CACNA2D3: variants seen among roughly 807,000 people sequenced by gnomAD.
CACNA2D3 encodes the protein voltage-dependent calcium channel subunit alpha-2/delta-3.
A neutral mutation model predicts 160.6 loss-of-function variants in CACNA2D3; 60 were observed. That is an observed-to-expected ratio of 0.37 (90% confidence interval 0.30 to 0.46). The LOEUF (loss-of-function observed/expected upper bound fraction) is 0.46, where lower values mean the gene tolerates loss of function less well. CACNA2D3 is among the 20% of genes least tolerant of loss of function. The probability of loss-of-function intolerance (pLI) is 1.00; values close to 1 mark genes in which losing one functional copy is unlikely to be tolerated. For missense variants in CACNA2D3, 1,205 were observed against 1,365.0 expected, an observed-to-expected ratio of 0.88 and a Z score of 1.85; for synonymous variants, 558 against 492.9, an observed-to-expected ratio of 1.13 and a Z score of -1.75.
Position 54,999,895 on chromosome 3 carries a change from G to A in CACNA2D3, c.2691-4868G>A, listed in dbSNP as rs981603184. On this transcript the variant is annotated intron_variant, in intron 31 of 37. Coordinates refer to ENST00000474759, the MANE Select transcript of CACNA2D3 (RefSeq NM_018398.3). ...TCATCCAAGGCTCTACCCAGCATGG[G>A]TGCAGGGCTACCAGGCTTTGTTTGT... Among the ~76,000 whole-genome samples, 5 of 152,174 alleles carry A rather than the reference G, an allele frequency of 3.3e-5. No homozygotes were observed. The East Asian group carries it at 7.7e-4, about 23-fold the overall frequency.
chr3:54,130,211 CTT>C (rs139734575), intron 2 of CACNA2D3, among the ~76,000 whole-genome samples: 4,004 of 152,320 alleles, frequency 0.026, 171 homozygotes, highest in African/African-American at 0.09. Context: ...CTCGTTTTGG[CTT>C]TCTCTCTTTC....
chr3:54,860,039 G>A (rs948400256), intron 17 of CACNA2D3, among the ~76,000 whole-genome samples: 8 of 148,392 alleles, frequency 5.4e-5, no homozygotes, highest in African/African-American at 1.3e-4. Flanking sequence ...AAATTAGATC[G>A]GCAGCCCAAG....
intron 9 of CACNA2D3, among the ~76,000 whole-genome samples, chr3:54,623,385 C>T (rs1349234133): frequency 6.6e-6 from 1 of 152,188 alleles, no homozygotes; most frequent in African/African-American, 2.4e-5. Flanking sequence ...GGCTCAATGC[C>T]CGTGCACAAC....
chr3:55,062,259 A>G (rs1704528825), intron 35 of CACNA2D3, among the ~76,000 whole-genome samples: 1 of 143,654 alleles, frequency 7.0e-6, no homozygotes, highest in Admixed American at 7.4e-5. Context: ...AGCTGGGACT[A>G]CAGGCACACA....
At chr3:54,188,077 C>T (rs2107331971) in intron 2 of CACNA2D3, among the ~76,000 whole-genome samples, 1 of 152,226 alleles carries the variant, frequency 6.6e-6, no homozygotes, top group East Asian at 1.9e-4. Context: ...GTATGTGCTC[C>T]CCCAACCAGC....
intron 13 of CACNA2D3, among the ~76,000 whole-genome samples, chr3:54,799,215 C>A (rs72874268): frequency 6.6e-6 from 1 of 152,266 alleles, no homozygotes; most frequent in African/African-American, 2.4e-5. Context: ...GTACTTATTT[C>A]AGGCTAATAG....
At chr3:54,444,108 A>G (rs1187004385) in intron 4 of CACNA2D3, among the ~76,000 whole-genome samples, 3 of 151,906 alleles carry the variant, frequency 2.0e-5, no homozygotes, top group Admixed American at 6.6e-5. Flanking sequence ...CCCCTTATCT[A>G]TTTCCTTCTT....
intron 11 of CACNA2D3, among the ~76,000 whole-genome samples, chr3:54,656,430 G>A (rs1699875536): frequency 1.3e-5 from 2 of 152,206 alleles, no homozygotes; most frequent in African/African-American, 4.8e-5. Context: ...GTCTCTGGCA[G>A]TCAGAAACTG....
At chr3:54,977,956 T>C (rs1702426988) in intron 29 of CACNA2D3, among the ~76,000 whole-genome samples, 1 of 152,186 alleles carries the variant, frequency 6.6e-6, no homozygotes, top group African/African-American at 2.4e-5. Context: ...AATGGGTGGA[T>C]TATTCATGCC....
At chr3:54,252,659 G>T (rs764039748) in intron 2 of CACNA2D3, among the ~76,000 whole-genome samples, 6 of 152,128 alleles carry the variant, frequency 3.9e-5, no homozygotes, top group African/African-American at 7.2e-5. Context: ...TGTGCTCTCT[G>T]CTCTGTTCTC....
chr3:54,405,258 A>C (rs1184780372), intron 4 of CACNA2D3, among the ~76,000 whole-genome samples: 1 of 145,524 alleles, frequency 6.9e-6, no homozygotes, highest in Non-Finnish European at 1.5e-5. Context: ...AATAGCCAAA[A>C]TACTACTCAG....
Position 55,015,017 on chromosome 3 carries a change from T to C in CACNA2D3, c.2876-3189T>C, listed in dbSNP as rs1016083243. ...TATATCAGCATGGAGTGCCCTACAA[T>C]TGTCAAAGGAAAAAGAATTTCATCT... On this transcript the variant is annotated intron_variant, in intron 34 of 37. Transcript: ENST00000474759. Among the ~76,000 whole-genome samples the C allele has an allele frequency of 2.0e-5, 3 of 152,092 alleles. No individual in the cohort carries two copies. The East Asian group carries it at 5.8e-4, about 29-fold the overall frequency.
At chr3:54,195,979 C>T (rs1238933220) in intron 2 of CACNA2D3, among the ~76,000 whole-genome samples, 1 of 152,180 alleles carries the variant, frequency 6.6e-6, no homozygotes, top group Non-Finnish European at 1.5e-5. Flanking sequence ...GCACGACTGC[C>T]ATTGATCATT....
chr3:54,276,653 T>C (rs977714027), intron 2 of CACNA2D3, among the ~76,000 whole-genome samples: 13 of 150,606 alleles, frequency 8.6e-5, no homozygotes, highest in African/African-American at 3.2e-4. Flanking sequence ...AGAAGTTTGG[T>C]ATTTTGAGGC....
rs1553874401 is a variant in CACNA2D3, at chr3:54,822,832, T to TTTCTTTCTTTCTTTTCTTTCTTTC, written c.1398+5964_1398+5965insCTTTCTTTCTTTTCTTTCTTTCTT. ...CTTTCTTTCTTTCTTTCTTTCTTTC[T>TTTCTTTCTTTCTTTTCTTTCTTTC]TTTCTTTCTTTCTTTCTTTCTTTCT... On this transcript the variant is annotated intron_variant, in intron 14 of 37. Coordinates refer to ENST00000474759, the MANE Select transcript of CACNA2D3 (RefSeq NM_018398.3). Among the ~76,000 whole-genome samples the TTTCTTTCTTTCTTTTCTTTCTTTC allele has an allele frequency of 6.9e-5, 4 of 57,982 alleles. 1 individual carries two copies. The highest frequency in any genetic ancestry group is 3.5e-4 in the African/African-American group (4 of 11,464). 38.0% of individuals were successfully genotyped at this position (57,982 alleles called of 152,430 possible).
chr3:54,386,938 C>T (rs1431491565), intron 4 of CACNA2D3, among the ~76,000 whole-genome samples, 164 bp downstream of exon 4: 4 of 152,150 alleles, frequency 2.6e-5, no homozygotes, highest in Non-Finnish European at 5.9e-5. Flanking sequence ...CAATCCGCAA[C>T]CACCTTCTAA....
At chr3:54,236,003 TGATAA>T (rs1559891410) in intron 2 of CACNA2D3, among the ~76,000 whole-genome samples, 1 of 152,190 alleles carries the variant, frequency 6.6e-6, no homozygotes, top group African/African-American at 2.4e-5. Context: ...CATGTACCCT[TGATAA>T]GATGTGATGA....
chr3:54,854,308 A>C (rs1421713070), intron 17 of CACNA2D3, among the ~76,000 whole-genome samples: 1 of 152,140 alleles, frequency 6.6e-6, no homozygotes, highest in African/African-American at 2.4e-5. Flanking sequence ...TTCCTGACGG[A>C]ATTGGTGAGG....
At chr3:54,843,341 C>G (rs887238568) in intron 16 of CACNA2D3, among the ~76,000 whole-genome samples, 3 of 152,264 alleles carry the variant, frequency 2.0e-5, no homozygotes, top group Non-Finnish European at 4.4e-5. Context: ...GTCAGGAGAG[C>G]CTTTTTACAA....
Sources: allele counts gnomAD v4.1 joint callset (sites outside exome capture counted in the v4.1 genomes callset), GRCh38; gene constraint gnomAD v4.1.1; transcripts MANE v1.5; gene names NCBI Gene and HGNC (gene_info 2026-07-23, HGNC 2026-07-21).